The following CCDC34 variants were observed in gnomAD, a reference collection of about 807,000 sequenced individuals.
CCDC34 encodes the protein coiled-coil domain-containing protein 34.
CCDC34 carries 40 observed loss-of-function variants against 44.1 expected under a neutral mutation model. The observed-to-expected ratio is 0.91, with a 90% CI of 0.70 to 1.18. The LOEUF is 1.18. Among genes scored for constraint, CCDC34 ranks in the 50% most tolerant of loss-of-function variants. The pLI is 0.00. For synonymous variants in CCDC34, 159 were observed against 158.2 expected (o/e 1.01, Z -0.04); for missense variants, 466 against 452.3 (o/e 1.03, Z -0.28).
At chr11:27,357,960 T>C (rs771442558) in intron 1 of CCDC34, among the ~76,000 whole-genome samples, 11 of 152,240 alleles carry the variant, frequency 7.2e-5, no homozygotes, top group African/African-American at 1.9e-4. Context: ...AAAAAGATTA[T>C]GTAGTGCACA....
At chr11:27,354,455 C>T (rs889453298) in intron 2 of CCDC34, among the ~76,000 whole-genome samples, 9 of 152,114 alleles carry the variant, frequency 5.9e-5, no homozygotes, top group African/African-American at 2.2e-4. Context: ...GTCCTCATAA[C>T]AACACTATGA....
chr11:27,360,847 A>G (rs568557489), intron 1 of CCDC34, among the ~76,000 whole-genome samples: 1 of 152,354 alleles, frequency 6.6e-6, no homozygotes, highest in Non-Finnish European at 1.5e-5. Flanking sequence ...TAGCAATGTC[A>G]ACCTCAGCAT....
At chr11:27,356,060 C>CGG (rs1462404527) in intron 2 of CCDC34, among the ~76,000 whole-genome samples, 13 of 115,540 alleles carry the variant, frequency 1.1e-4, no homozygotes, top group Non-Finnish European at 2.0e-4. Context: ...CTCTTGTTGG[C>CGG]CAGGCTGGAG....
chr11:27,349,300 A>T (rs1205510360), intron 3 of CCDC34: 1 of 920,642 alleles, frequency 1.1e-6, no homozygotes, highest in Non-Finnish European at 1.3e-6. Flanking sequence ...TCATGGGATG[A>T]AGTAAACTTT....
At position 27,341,481 on chromosome 11, in the gene CCDC34, C is replaced by T; in HGVS notation, c.676G>A (p.Glu226Lys). ...TCTTTTGCTTTTTCTTGCAAGTATTCTTTCTCCAGTTCCTTTGCTGCTTTT... is the reference window on the plus strand; with the variant it reads ...TCTTTTGCTTTTTCTTGCAAGTATTTTTTCTCCAGTTCCTTTGCTGCTTTT... ...EEKAAKELEK[E>K]YLQEKAKEKY... is the part of the protein sequence containing the mutation. Residue 226 changes from glutamate (E) to lysine (K), a missense_variant, in exon 4 of 6, where the codon GAA becomes AAA. Glu to Lys is a moderately conservative substitution (Grantham distance 56). Coordinates refer to ENST00000328697, the MANE Select transcript of CCDC34 (RefSeq NM_030771.2). The T allele has an allele frequency of 7.0e-7, 1 of 1,437,972 alleles. No homozygotes were observed. The highest frequency in any genetic ancestry group is 9.4e-7 in the Non-Finnish European group (1 of 1,063,102). 89.1% of individuals were successfully genotyped at this position (1,437,972 alleles called of 1,614,324 possible).
In CCDC34 at chr11:27,340,817, T is replaced by G; in HGVS notation, c.786A>C (p.Gln262His). The G allele has an allele frequency of 6.2e-7, 1 of 1,612,546 alleles. No individual in the cohort carries two copies. The highest frequency in any genetic ancestry group is 8.5e-7 in the Non-Finnish European group (1 of 1,179,512). The change falls in exon 5 of 6, where the codon CAA becomes CAC. Residue 262 changes from glutamine to histidine, a missense_variant. Transcript: ENST00000328697. ...TTTCCTTTTTCTCCTGTATTTCAGC[T>G]TGCTGTTGTTTTTCTTTTTCCTTAA... ...KKEKEKEKQQ[Q>H]AEIQEKKEIA...
intron 1 of CCDC34, among the ~76,000 whole-genome samples, chr11:27,361,864 G>C (rs1320698623): frequency 6.6e-6 from 1 of 152,104 alleles, no homozygotes; most frequent in Non-Finnish European, 1.5e-5. Flanking sequence ...ACTTGTAAAT[G>C]ATTTCCGAAG....
chr11:27,348,763 T>G (rs1862466985), intron 3 of CCDC34: 2 of 765,566 alleles, frequency 2.6e-6, no homozygotes, highest in Admixed American at 1.4e-4. Context: ...TAGAGGTAAA[T>G]GTAACTATGT....
At chr11:27,345,364 C>T (rs1166289252) in intron 3 of CCDC34, among the ~76,000 whole-genome samples, 1 of 151,960 alleles carries the variant, frequency 6.6e-6, no homozygotes, top group African/African-American at 2.4e-5. Context: ...ATACATGTGC[C>T]ATGTTGGTGT....
chr11:27,356,036 T>TTTTAA (rs1862571049), intron 2 of CCDC34, among the ~76,000 whole-genome samples: 1 of 140,416 alleles, frequency 7.1e-6, no homozygotes, highest in African/African-American at 2.8e-5. Context: ...TTTTTTTTTT[T>TTTTAA]AGACAGAGTT....
chr11:27,339,110 G>T, intron 5 of CCDC34, 75 bp from the exon 6 acceptor site: 1 of 1,077,046 alleles, frequency 9.3e-7, no homozygotes, highest in African/African-American at 1.6e-5. Flanking sequence ...AAAACTTCTA[G>T]AAAAATGTTA....
In CCDC34 at chr11:27,363,187, G is replaced by C; in HGVS notation, c.8C>G (p.Ala3Gly). 3 of 1,479,692 alleles carry C rather than the reference G, an allele frequency of 2.0e-6. No individual in the cohort carries two copies. Among genetic ancestry groups the C allele is most frequent in the Non-Finnish European group, 2.7e-6 (3 of 1,122,254 alleles). 91.7% of individuals were successfully genotyped at this position (1,479,692 alleles called of 1,614,324 possible). A position where few individuals can be genotyped will look rare whatever the true frequency, so the allele number is the denominator to read the frequency against. The change falls in exon 1 of 6, where the codon GCG (alanine) becomes GGG (glycine). Residue 3 changes from alanine to glycine, a missense_variant. Transcript: ENST00000328697. ...AAAAGTAGGCCCCCAGCGCCCCGCC[G>C]CCCACATCTGGCCCGCCAAGTTCAA... is the stretch of plus-strand genomic sequence containing the variant. MW[A>G]AGRWGPTFPS...
At chr11:27,351,568 G>A (rs575173037) in intron 2 of CCDC34, among the ~76,000 whole-genome samples, 3 of 152,206 alleles carry the variant, frequency 2.0e-5, no homozygotes, top group African/African-American at 7.2e-5. Context: ...AGCAGCTATT[G>A]TTCTTTGATG....
intron 1 of CCDC34, among the ~76,000 whole-genome samples, chr11:27,358,958 AC>A (rs71050907): frequency 0.45 from 38,994 of 87,540 alleles, 5,690 homozygotes; most frequent in Non-Finnish European, 0.54. Flanking sequence ...CAACATGTGG[AC>A]CCCCCCCCCC....
rs745908779 is a variant in CCDC34, at chr11:27,339,052, A to G, written c.908-17T>C. On this transcript the variant is annotated splice_polypyrimidine_tract_variant and intron_variant, in intron 5 of 5. Coordinates refer to ENST00000328697, the MANE Select transcript of CCDC34 (RefSeq NM_030771.2). Reference sequence around the variant, plus strand: ...TGTAAAAACCTAAAATTATTGAAAAATCAGATCAAAACAAGGAAAAACTTT... The same window carrying G: ...TGTAAAAACCTAAAATTATTGAAAAGTCAGATCAAAACAAGGAAAAACTTT... 1 of 1,579,072 alleles carries G rather than the reference A, an allele frequency of 6.3e-7. No homozygotes were observed. The highest frequency in any genetic ancestry group is 2.2e-5 in the East Asian group (1 of 44,636).
rs200257743 is a variant in CCDC34 at position 27,362,786 on chromosome 11, T to A, written c.359+50A>T. On this transcript the variant is annotated intron_variant, in intron 1 of 5. Coordinates refer to ENST00000328697, the MANE Select transcript of CCDC34 (RefSeq NM_030771.2). ...TGTTAGAAGGGGGTACTTAAGAGGG[T>A]CTAAGGAATCTTGAAAAGGGCTGAA... 49 of 1,582,716 alleles carry A rather than the reference T, an allele frequency of 3.1e-5. No homozygotes were observed. The East Asian group carries it at 3.6e-4, about 12-fold the overall frequency.
At chr11:27,350,102 C>T (rs1277895505) in intron 3 of CCDC34, 2 of 1,378,826 alleles carry the variant, frequency 1.5e-6, no homozygotes, top group Admixed American at 3.4e-5. Context: ...TTGGTGACTG[C>T]CTGCAGGCAA....
intron 3 of CCDC34, among the ~76,000 whole-genome samples, chr11:27,344,212 A>C (rs1048210154): frequency 6.6e-6 from 1 of 152,168 alleles, no homozygotes; most frequent in Non-Finnish European, 1.5e-5. Context: ...AAAAGTAAAC[A>C]TATCAAAGCT....
At chr11:27,346,286 C>T (rs1862431515) in intron 3 of CCDC34, among the ~76,000 whole-genome samples, 1 of 151,944 alleles carries the variant, frequency 6.6e-6, no homozygotes, top group Admixed American at 6.6e-5. Flanking sequence ...ATCCCAGCTC[C>T]TCAGGAGGCT....
Sources: gnomAD v4.1 joint callset for allele counts (sites outside exome capture counted in the v4.1 genomes callset) on GRCh38, gnomAD v4.1.1 for gene constraint, MANE v1.5 for transcripts, NCBI Gene and HGNC (gene_info 2026-07-23, HGNC 2026-07-21) for gene names.